The following PSD3 variants were observed in gnomAD, a reference collection of about 807,000 sequenced individuals.
PSD3 encodes pleckstrin and Sec7 domain containing 3.
PSD3 carries 49 observed loss-of-function variants against 105.5 expected under a neutral mutation model. The ratio of observed to expected loss-of-function variants is 0.46; its 90% CI spans 0.37 to 0.59. PSD3 has a LOEUF of 0.59. Among genes scored for constraint, PSD3 ranks in the 20% least tolerant of loss-of-function variants. The pLI is 0.00. For synonymous variants in PSD3, 557 were observed against 457.8 expected, an observed-to-expected ratio of 1.22 and a Z score of -2.77; for missense variants, 1,561 against 1,263.8, an observed-to-expected ratio of 1.24 and a Z score of -3.57.
chr8:18,556,384 A>AAAC, intron 14 of PSD3, 32 bp from the exon 15 acceptor site: 1 of 1,341,600 alleles, frequency 7.5e-7, no homozygotes, highest in South Asian at 1.4e-5. Flanking sequence ...TTTAGCGTTC[A>AAAC]AAAAAAAAAC....
chr8:18,883,319 T>G (rs970705524), intron 2 of PSD3, among the ~76,000 whole-genome samples: 1 of 152,152 alleles, frequency 6.6e-6, no homozygotes, highest in African/African-American at 2.4e-5. Context: ...CTAAAGTAAG[T>G]TCCAAGAAAA....
chr8:18,900,641 CTCTTT>C (rs1819444313), intron 2 of PSD3, among the ~76,000 whole-genome samples: 2 of 133,752 alleles, frequency 1.5e-5, no homozygotes, highest in Non-Finnish European at 1.6e-5. Flanking sequence ...TGAGAGACAA[CTCTTT>C]TTTTTTTTTT....
At chr8:18,544,273 G>C (rs1385044451) in intron 15 of PSD3, among the ~76,000 whole-genome samples, 2 of 150,464 alleles carry the variant, frequency 1.3e-5, no homozygotes, top group Non-Finnish European at 2.9e-5. Flanking sequence ...TGCGTACTAC[G>C]AGATGATGGC....
intron 14 of PSD3, among the ~76,000 whole-genome samples, chr8:18,562,105 G>T (rs1235253451): frequency 1.3e-5 from 2 of 152,166 alleles, no homozygotes; most frequent in Non-Finnish European, 2.9e-5. Flanking sequence ...GGGAAACAGA[G>T]AACACATTTA....
chr8:18,813,042 C>G (rs929889530), intron 4 of PSD3, among the ~76,000 whole-genome samples: 2 of 152,104 alleles, frequency 1.3e-5, no homozygotes, highest in African/African-American at 4.8e-5. Context: ...CAGAATAGTA[C>G]AGTCAAGAGA....
chr8:19,071,978 G>A (rs1218458063), intron 1 of PSD3, among the ~76,000 whole-genome samples: 2 of 152,128 alleles, frequency 1.3e-5, no homozygotes, highest in African/African-American at 4.8e-5. Context: ...CCAAAGTGCT[G>A]GGATTCCAGG....
chr8:18,939,703 T>C (rs992938062), intron 1 of PSD3, among the ~76,000 whole-genome samples: 6 of 152,200 alleles, frequency 3.9e-5, no homozygotes, highest in African/African-American at 1.2e-4. Flanking sequence ...CATTATTGTA[T>C]GCATTTAAAA....
At chr8:18,892,967 G>C (rs976025088) in intron 2 of PSD3, among the ~76,000 whole-genome samples, 1 of 152,118 alleles carries the variant, frequency 6.6e-6, no homozygotes, top group East Asian at 1.9e-4. Flanking sequence ...ATATGATTCA[G>C]AATGTAATCA....
chr8:18,986,302 G>A (rs7816676), intron 1 of PSD3, among the ~76,000 whole-genome samples: 3,972 of 152,222 alleles, frequency 0.026, 186 homozygotes, highest in African/African-American at 0.092. Context: ...GCCCCTTGGT[G>A]TTAAGTTTTT....
chr8:18,775,664 G>A (rs1481843109), intron 8 of PSD3, among the ~76,000 whole-genome samples: 1 of 151,928 alleles, frequency 6.6e-6, no homozygotes, highest in East Asian at 1.9e-4. Flanking sequence ...CAAAAATTTT[G>A]CCCATTTTAA....
rs33948705 is a variant in PSD3 at position 18,627,809 on chromosome 8, GA to G, written c.2410+4803del. Among the ~76,000 whole-genome samples, 462 of 143,254 alleles carry G rather than the reference GA, an allele frequency of 3.2e-3. 2 individuals carry two copies. The highest frequency in any genetic ancestry group is 5.3e-3 in the Non-Finnish European group (342 of 65,032). 94.0% of individuals were successfully genotyped at this position (143,254 alleles called of 152,430 possible). On this transcript the variant is annotated intron_variant, in intron 11 of 15. Transcript: ENST00000327040. ...AATTACAAGGAATGCAAAGAAAAAG[GA>G]AAAAAAAACCAACTATGACTAAAGC... is the stretch of plus-strand genomic sequence containing the variant.
chr8:18,536,050 G>T, intron 15 of PSD3, 92 bp from the exon 16 acceptor site: 1 of 1,253,390 alleles, frequency 8.0e-7, no homozygotes, highest in Non-Finnish European at 1.1e-6. Context: ...TGGAGAGTGT[G>T]AATGGCTGTT....
chr8:19,049,395 A>G (rs1485664877), intron 1 of PSD3, among the ~76,000 whole-genome samples: 1 of 152,158 alleles, frequency 6.6e-6, no homozygotes, highest in Non-Finnish European at 1.5e-5. Flanking sequence ...ACAATCTATG[A>G]GAAAGGATGA....
At chr8:18,666,782 G>A (rs564488817) in intron 9 of PSD3, among the ~76,000 whole-genome samples, 1 of 151,510 alleles carries the variant, frequency 6.6e-6, no homozygotes, top group Non-Finnish European at 1.5e-5. Flanking sequence ...AAATGTTCAA[G>A]TATGTCAACA....
chr8:18,854,805 CTT>C (rs1815871258), intron 4 of PSD3, among the ~76,000 whole-genome samples: 1 of 152,170 alleles, frequency 6.6e-6, no homozygotes, highest in African/African-American at 2.4e-5. Context: ...TAAATTCACA[CTT>C]AATCTCATGT....
At chr8:18,547,569 G>A (rs561586821) in intron 15 of PSD3, among the ~76,000 whole-genome samples, 3 of 152,200 alleles carry the variant, frequency 2.0e-5, no homozygotes, top group Admixed American at 6.5e-5. Context: ...AACACTACAG[G>A]GAATCTCACT....
chr8:18,576,817 C>A (rs1038660720), intron 12 of PSD3, among the ~76,000 whole-genome samples: 2 of 151,754 alleles, frequency 1.3e-5, no homozygotes, highest in Non-Finnish European at 2.9e-5. Context: ...ACCTCCATTT[C>A]CATACATACT....
At chr8:18,639,336 G>C (rs1807481545) in intron 10 of PSD3, among the ~76,000 whole-genome samples, 1 of 151,984 alleles carries the variant, frequency 6.6e-6, no homozygotes, top group South Asian at 2.1e-4. Context: ...AGTTCTTTCA[G>C]ATGGTCTTAC....
intron 1 of PSD3, among the ~76,000 whole-genome samples, chr8:18,967,238 C>A (rs4921620): frequency 1.3e-5 from 2 of 151,552 alleles, no homozygotes; most frequent in Admixed American, 6.6e-5. Flanking sequence ...TCACGGCAAC[C>A]CCTGCCTCCC....
Sources: gnomAD v4.1 joint callset for allele counts (sites outside exome capture counted in the v4.1 genomes callset) on GRCh38, gnomAD v4.1.1 for gene constraint, MANE v1.5 for transcripts, NCBI Gene and HGNC (gene_info 2026-07-23, HGNC 2026-07-21) for gene names.